PCDHGA5: variants seen among roughly 807,000 people sequenced by gnomAD.
PCDHGA5 encodes the protein protocadherin gamma-A5.
Under a neutral mutation model 56.7 loss-of-function variants are expected in PCDHGA5, and 36 were observed. That is an observed-to-expected ratio of 0.64 (90% CI 0.49 to 0.84). PCDHGA5 has a LOEUF of 0.84. Ranked by LOEUF, PCDHGA5 falls within the 40% of genes least tolerant of loss-of-function variation. The pLI, the probability that PCDHGA5 is intolerant of heterozygous loss-of-function variation, is 0.00. For missense variants in PCDHGA5, 1,305 were observed against 1,201.5 expected (o/e 1.09, Z -1.27); for synonymous variants, 563 against 520.2 (o/e 1.08, Z -1.12).
At chr5:141,505,935 C>T (rs2099849264) in intron 3 of PCDHGA5, among the ~76,000 whole-genome samples, 1 of 152,146 alleles carries the variant, frequency 6.6e-6, no homozygotes, top group African/African-American at 2.4e-5. Flanking sequence ...CGCTTGGAAG[C>T]CCTCAAGCAA....
In PCDHGA5 at chr5:141,364,663, G is replaced by T; in HGVS notation, c.333G>T (p.Glu111Asp). ...LCVVNFNILV[E>D]NKMKIYGVEV... The stretch of plus-strand genomic sequence containing the variant: ...TGGTGAACTTTAACATCTTGGTTGA[G>T]AACAAAATGAAAATTTATGGAGTAG... Residue 111 changes from glutamate to aspartate, a missense_variant, in exon 1 of 4, where the codon GAG (glutamate) becomes GAT (aspartate). Transcript: ENST00000518069. The T allele has an allele frequency of 6.2e-7, 1 of 1,614,042 alleles. No individual in the cohort carries two copies. Among genetic ancestry groups the T allele is most frequent in the Non-Finnish European group, 8.5e-7 (1 of 1,179,910 alleles).
intron 1 of PCDHGA5, among the ~76,000 whole-genome samples, chr5:141,435,770 C>G (rs1445835726): frequency 6.6e-6 from 1 of 152,070 alleles, no homozygotes; most frequent in Non-Finnish European, 1.5e-5. Context: ...TTGGTGAATT[C>G]TGTAAAGGTG....
At chr5:141,403,645 A>G (rs2154534430) in intron 1 of PCDHGA5, 1 of 1,613,922 alleles carries the variant, frequency 6.2e-7, no homozygotes, top group South Asian at 1.1e-5. Flanking sequence ...TCCATGTGAC[A>G]GTGTTGGATA....
intron 1 of PCDHGA5, chr5:141,376,149 TCA>T (rs1772336007): frequency 1.2e-6 from 2 of 1,613,934 alleles, no homozygotes; most frequent in Non-Finnish European, 1.7e-6. Context: ...GATTCGGACC[TCA>T]CTCTGTACCT....
intron 1 of PCDHGA5, chr5:141,372,446 T>C: frequency 6.2e-7 from 1 of 1,614,030 alleles, no homozygotes; most frequent in Non-Finnish European, 8.5e-7. Context: ...CCTCTGACCC[T>C]CAGGCGGAGC....
Position 141,398,701 on chromosome 5 carries a change from C to T in PCDHGA5, c.2421+31950C>T, listed in dbSNP as rs757215015. On this transcript the variant is annotated intron_variant, in intron 1 of 3. Transcript: ENST00000518069. Reference sequence around the variant, plus strand: ...GGAGAAACAGGATGGTAGTAAATACCCGGAACTGGCACTGGAGAAAACCTT... The same window carrying T: ...GGAGAAACAGGATGGTAGTAAATACTCGGAACTGGCACTGGAGAAAACCTT... The T allele has an allele frequency of 1.2e-5, 20 of 1,613,658 alleles. No homozygotes were observed. In the Admixed American group the frequency reaches 3.3e-4, roughly 27 times the overall value.
At chr5:141,450,587 A>G (rs1396203849) in intron 1 of PCDHGA5, among the ~76,000 whole-genome samples, 1 of 151,720 alleles carries the variant, frequency 6.6e-6, no homozygotes, top group East Asian at 1.9e-4. Flanking sequence ...CCCAGGTTCA[A>G]GCAATTCTCC....
At chr5:141,428,245 C>A in intron 1 of PCDHGA5, 1 of 948,140 alleles carries the variant, frequency 1.1e-6, no homozygotes, top group South Asian at 1.4e-5. Flanking sequence ...GGAGGCACTG[C>A]CAGACTTCAG....
At chr5:141,411,881 G>T (rs1299555823) in intron 1 of PCDHGA5, 2 of 152,114 alleles carry the variant, frequency 1.3e-5, no homozygotes, top group Middle Eastern at 3.2e-3. Flanking sequence ...ACATTTCTAA[G>T]AAATAAATGA....
chr5:141,511,028 T>C lies in PCDHGA5; in HGVS notation c.2651T>C (p.Leu884Pro). ...GCCCGCTACGGACCCCAGTTCACCC[T>C]GCAGCACGTGCCCGACTACCGCCAG... ...LSARYGPQFTLQHVPDYRQNV... is the reference protein window; with the variant it reads ...LSARYGPQFTPQHVPDYRQNV... The change falls in exon 4 of 4, where the codon CTG becomes CCG. Residue 884 changes from leucine (L) to proline (P), a missense_variant. Leu to Pro is a moderately conservative substitution (Grantham distance 98, BLOSUM62 -3). Transcript: ENST00000518069. 1 of 1,614,202 alleles carries C rather than the reference T, an allele frequency of 6.2e-7. No homozygotes were observed. Among genetic ancestry groups the C allele is most frequent in the Non-Finnish European group, 8.5e-7 (1 of 1,180,028 alleles).
chr5:141,511,730 T>C lies in PCDHGA5; in HGVS notation c.*557T>C, dbSNP rs772107999. 5.1e-5 allele frequency: 9 copies of C among 177,790 alleles called. No homozygotes were observed. The highest frequency in any genetic ancestry group is 5.3e-5 in the Admixed American group (1 of 18,706). The allele number at this position is 177,790 out of a possible 1,614,324, so 11.0% of individuals were successfully genotyped here. On this transcript the variant is annotated 3_prime_UTR_variant, in exon 4 of 4. Transcript: ENST00000518069. ...ACCTCCTTCCAGAGCCCAAGATCAA[T>C]GCTCAAGTTTTGGAGGACATGATCA...
At chr5:141,422,301 G>A (rs777697738) in intron 1 of PCDHGA5, 36 of 1,549,184 alleles carry the variant, frequency 2.3e-5, no homozygotes, top group Non-Finnish European at 3.1e-5. Flanking sequence ...ATTCAATTCT[G>A]GAAAACTCTC....
intron 1 of PCDHGA5, among the ~76,000 whole-genome samples, chr5:141,396,957 T>C (rs1169025850): frequency 6.6e-6 from 1 of 152,214 alleles, no homozygotes; most frequent in East Asian, 1.9e-4. Flanking sequence ...AGAAAATCCT[T>C]ACTCTCCCTA....
Position 141,366,720 on chromosome 5 carries a change from T to C in PCDHGA5, c.2390T>C (p.Val797Ala), listed in dbSNP as rs1471976896. 1.2e-6 allele frequency: 2 copies of C among 1,613,598 alleles called. No individual in the cohort carries two copies. Among genetic ancestry groups the C allele is most frequent in the East Asian group, 4.5e-5 (2 of 44,886 alleles). Residue 797 changes from valine to alanine, a missense_variant, in exon 1 of 4, where the codon GTA becomes GCA. Transcript: ENST00000518069. ...GAGCCTCTTCTGATGTCTGATAAGG[T>C]AGATGCAAACAAAGAAGAACGGCGA... is the stretch of plus-strand genomic sequence containing the variant. ...KSEPLLMSDK[V>A]DANKEERRVQ... is the part of the protein sequence containing the mutation.
intron 1 of PCDHGA5, among the ~76,000 whole-genome samples, chr5:141,447,279 A>G (rs1394174534): frequency 1.3e-5 from 2 of 152,156 alleles, no homozygotes; most frequent in African/African-American, 4.8e-5. Flanking sequence ...AGCTGGGACT[A>G]CAGGCACATG....
intron 1 of PCDHGA5, chr5:141,412,213 C>T (rs1467971455): frequency 6.6e-6 from 1 of 152,224 alleles, no homozygotes; most frequent in Non-Finnish European, 1.5e-5. Context: ...TTGACATAAA[C>T]ACTTACTTGT....
intron 1 of PCDHGA5, among the ~76,000 whole-genome samples, chr5:141,475,171 C>A (rs545499118): frequency 6.6e-6 from 1 of 152,164 alleles, no homozygotes; most frequent in African/African-American, 2.4e-5. Context: ...AGCAGTGCAA[C>A]TTCTTGTGGC....
Position 141,477,653 on chromosome 5 carries a change from A to C in PCDHGA5, c.2422-17154A>C. ...GCTAGTGGGTCGCTATTTCACAATA[A>C]ATCGTGACAATGGCATAGTGTCATC... On this transcript the variant is annotated intron_variant, in intron 1 of 3. Transcript: ENST00000518069. The surrounding 1 kb of genome is among the most constrained non-coding windows in gnomAD (Gnocchi z 4.9). The C allele has an allele frequency of 1.2e-6, 2 of 1,614,204 alleles. No individual in the cohort carries two copies. Among genetic ancestry groups the C allele is most frequent in the Non-Finnish European group, 1.7e-6 (2 of 1,180,036 alleles).
intron 2 of PCDHGA5, among the ~76,000 whole-genome samples, chr5:141,500,416 A>G: frequency 6.6e-6 from 1 of 151,634 alleles, no homozygotes; most frequent in East Asian, 2.0e-4. Flanking sequence ...TCACCGTGTT[A>G]GCCAGGATGG....
Sources: allele counts gnomAD v4.1 joint callset (sites outside exome capture counted in the v4.1 genomes callset), GRCh38; gene constraint gnomAD v4.1.1; non-coding constraint Gnocchi (gnomAD v3.1); transcripts MANE v1.5; gene names NCBI Gene and HGNC (gene_info 2026-07-23, HGNC 2026-07-21).